The following CSMD1 variants were observed in gnomAD, a reference collection of about 807,000 sequenced individuals.
CSMD1 encodes the protein CUB and Sushi multiple domains 1.
Under a neutral mutation model 417.5 loss-of-function variants are expected in CSMD1, and 213 were observed. The observed-to-expected ratio is 0.51, with a 90% confidence interval of 0.46 to 0.57. CSMD1 has a LOEUF of 0.57. Ranked by LOEUF, CSMD1 falls within the 20% of genes least tolerant of loss-of-function variation. The pLI is 0.00. For synonymous variants in CSMD1, 2,862 were observed against 1,736.8 expected (o/e 1.65, Z -16.11); for missense variants, 6,923 against 4,529.7 (o/e 1.53, Z -15.17).
At chr8:3,491,432 A>G (rs1365226366) in intron 11 of CSMD1, among the ~76,000 whole-genome samples, 1 of 152,218 alleles carries the variant, frequency 6.6e-6, no homozygotes, top group Non-Finnish European at 1.5e-5. Flanking sequence ...ATGGTGCGTA[A>G]AAGATACATA....
At chr8:3,899,366 G>A (rs1450800854) in intron 5 of CSMD1, among the ~76,000 whole-genome samples, 1 of 152,126 alleles carries the variant, frequency 6.6e-6, no homozygotes, top group East Asian at 1.9e-4. Context: ...CTCCGCCCTG[G>A]CACAAAGAGT....
At position 4,442,475 on chromosome 8, in the gene CSMD1, C is replaced by G. The variant is rs1798541761; in HGVS notation, c.303-22410G>C. Among the ~76,000 whole-genome samples the G allele has an allele frequency of 3.3e-5, 5 of 152,228 alleles. No individual in the cohort carries two copies. In the South Asian group the frequency reaches 8.3e-4, roughly 25 times the overall value. On this transcript the variant is annotated intron_variant, in intron 2 of 69. Coordinates refer to ENST00000635120, the MANE Select transcript of CSMD1 (RefSeq NM_033225.6). ...ATCTACTTACATGCTTATCTACAAGCATATTACATCTGTTATGTATATAAA... is the reference window on the plus strand; with the variant it reads ...ATCTACTTACATGCTTATCTACAAGGATATTACATCTGTTATGTATATAAA...
At chr8:4,242,830 C>G (rs1281635743) in intron 3 of CSMD1, among the ~76,000 whole-genome samples, 1 of 152,094 alleles carries the variant, frequency 6.6e-6, no homozygotes, top group African/African-American at 2.4e-5. Context: ...CGACATGTGA[C>G]TATTAGTGAA....
intron 3 of CSMD1, among the ~76,000 whole-genome samples, chr8:4,229,929 A>G (rs964461048): frequency 3.9e-5 from 6 of 152,174 alleles, no homozygotes; most frequent in African/African-American, 1.4e-4. Context: ...GATTGAGTGA[A>G]TATCTTACAT....
intron 11 of CSMD1, among the ~76,000 whole-genome samples, chr8:3,472,949 C>G (rs1295399087): frequency 6.6e-6 from 1 of 152,038 alleles, no homozygotes; most frequent in Non-Finnish European, 1.5e-5. Context: ...CTCCCCATTT[C>G]CAACCTCTCA....
chr8:4,935,779 C>T (rs6991459), intron 1 of CSMD1, among the ~76,000 whole-genome samples: 47,038 of 151,992 alleles, frequency 0.31, 8,223 homozygotes, highest in Middle Eastern at 0.41. Flanking sequence ...GAAAGAAAGA[C>T]GAGGAATACA....
chr8:4,982,111 G>A (rs987019999), intron 1 of CSMD1, among the ~76,000 whole-genome samples: 5 of 152,172 alleles, frequency 3.3e-5, no homozygotes, highest in Admixed American at 1.3e-4. Flanking sequence ...TGGCAATGAA[G>A]TCCCAGCCAA....
At chr8:3,968,187 A>AAAT (rs60661289) in intron 5 of CSMD1, among the ~76,000 whole-genome samples, 8,423 of 148,892 alleles carry the variant, frequency 0.057, 362 homozygotes, top group African/African-American at 0.13. Context: ...ACTCCGTCTC[A>AAAT]AATAATAATA....
At chr8:4,743,938 TTCTC>T (rs1180236252) in intron 1 of CSMD1, among the ~76,000 whole-genome samples, 1 of 152,202 alleles carries the variant, frequency 6.6e-6, no homozygotes, top group Non-Finnish European at 1.5e-5. Context: ...CCACAGCACT[TTCTC>T]TCTTCCCAGA....
intron 1 of CSMD1, among the ~76,000 whole-genome samples, chr8:4,943,612 C>T (rs11993084): frequency 1.3e-5 from 2 of 151,890 alleles, no homozygotes; most frequent in Non-Finnish European, 2.9e-5. Context: ...TCTCATATAT[C>T]AAATGAAAAG....
At chr8:4,044,064 T>A (rs1350715222) in intron 3 of CSMD1, among the ~76,000 whole-genome samples, 1 of 152,180 alleles carries the variant, frequency 6.6e-6, no homozygotes, top group Non-Finnish European at 1.5e-5. Context: ...CTGGGGTTCC[T>A]GTCTTTTCTT....
intron 3 of CSMD1, among the ~76,000 whole-genome samples, chr8:4,415,314 G>C (rs896899052): frequency 6.6e-6 from 1 of 152,252 alleles, no homozygotes; most frequent in African/African-American, 2.4e-5. Context: ...ACAGGCATCT[G>C]TTTTTCTCTA....
At chr8:3,863,333 G>A (rs1030087369) in intron 5 of CSMD1, among the ~76,000 whole-genome samples, 1 of 149,986 alleles carries the variant, frequency 6.7e-6, no homozygotes, top group Non-Finnish European at 1.5e-5. Flanking sequence ...GGAGATGGTG[G>A]TTGCAGGAGT....
chr8:4,885,600 C>T (rs1046343096), intron 1 of CSMD1, among the ~76,000 whole-genome samples: 1 of 151,836 alleles, frequency 6.6e-6, no homozygotes, highest in East Asian at 1.9e-4. Flanking sequence ...GGCTTTTGTC[C>T]TTTATCCTGT....
At chr8:4,991,227 C>G (rs1325233489) in intron 1 of CSMD1, among the ~76,000 whole-genome samples, 2 of 152,180 alleles carry the variant, frequency 1.3e-5, no homozygotes, top group Non-Finnish European at 2.9e-5. Context: ...GATGAAAATG[C>G]TTACAGCCTT....
intron 12 of CSMD1, among the ~76,000 whole-genome samples, chr8:3,424,278 G>C (rs1176293726): frequency 1.3e-5 from 2 of 152,116 alleles, no homozygotes; most frequent in Non-Finnish European, 2.9e-5. Context: ...CTTTGCAAAA[G>C]CCAGGTATTG....
Position 3,755,145 on chromosome 8 carries a change from G to C in CSMD1, c.819-1103C>G, listed in dbSNP as rs568944725. On this transcript the variant is annotated intron_variant, in intron 5 of 69. Coordinates refer to ENST00000635120, the MANE Select transcript of CSMD1 (RefSeq NM_033225.6). ...TTCCAAGATATTAAAGCTCCTGCCC[G>C]TTAGAGGCGCAAGGGACACATTTAG... Among the ~76,000 whole-genome samples, 10 of 152,282 alleles carry C rather than the reference G, an allele frequency of 6.6e-5. No individual in the cohort carries two copies. In the South Asian group the frequency reaches 1.0e-3, roughly 16 times the overall value.
At chr8:3,332,687 G>GCACA (rs1403209631) in intron 23 of CSMD1, among the ~76,000 whole-genome samples, 26 of 150,870 alleles carry the variant, frequency 1.7e-4, no homozygotes, top group African/African-American at 6.5e-4. Context: ...ATGTGTGCGT[G>GCACA]CGCACACACA....
chr8:4,252,113 G>C (rs748737454), intron 3 of CSMD1, among the ~76,000 whole-genome samples: 5 of 152,174 alleles, frequency 3.3e-5, no homozygotes, highest in African/African-American at 9.7e-5. Flanking sequence ...AGGTGGTAGA[G>C]AACTACTGAA....
Sources: gnomAD v4.1 joint callset for allele counts (sites outside exome capture counted in the v4.1 genomes callset) on GRCh38, gnomAD v4.1.1 for gene constraint, MANE v1.5 for transcripts, NCBI Gene and HGNC (gene_info 2026-07-23, HGNC 2026-07-21) for gene names.